Variants in NELL1 observed in about 807,000 individuals in gnomAD.
The protein encoded by NELL1 is neural EGFL like 1.
In NELL1, 76 loss-of-function variants were observed where a neutral mutation model predicts 107.4. The ratio of observed to expected loss-of-function variants is 0.71; its 90% CI spans 0.59 to 0.86. The LOEUF (loss-of-function observed/expected upper bound fraction) is 0.86. Among genes scored for constraint, NELL1 ranks in the 40% least tolerant of loss-of-function variants. NELL1 has a pLI of 0.00. For synonymous variants in NELL1, 353 were observed against 341.2 expected (o/e 1.03, Z -0.38); for missense variants, 1,024 against 1,005.5 (o/e 1.02, Z -0.25).
In NELL1 at chr11:21,086,320, A is replaced by G. The variant is rs117774511; in HGVS notation, c.1301-27269A>G. Among the ~76,000 whole-genome samples, 1,651 of 152,304 alleles carry G rather than the reference A, an allele frequency of 0.011. 60 individuals are homozygous for G. In the South Asian group the frequency reaches 0.12, roughly 11 times the overall value. On this transcript the variant is annotated intron_variant, in intron 12 of 19. Transcript: ENST00000357134. ...CATTGAACCTAGTGACATTAAACAA[A>G]GTTTTTACTTTCTGTTTGGGCACAT...
chr11:21,229,893 C>T (rs927692645), intron 14 of NELL1, among the ~76,000 whole-genome samples: 5 of 152,248 alleles, frequency 3.3e-5, no homozygotes, highest in East Asian at 1.9e-4. Flanking sequence ...CAGAGGCCAG[C>T]GCCCTGGCTT....
intron 15 of NELL1, among the ~76,000 whole-genome samples, chr11:21,385,231 G>A (rs769264720): frequency 1.3e-5 from 2 of 151,822 alleles, no homozygotes; most frequent in Non-Finnish European, 2.9e-5. Flanking sequence ...AAGGGCAGGG[G>A]TTCTGTCTTT....
intron 16 of NELL1, 58 bp downstream of exon 16, chr11:21,534,572 T>C (rs2133971208): frequency 3.2e-6 from 5 of 1,580,484 alleles, no homozygotes; most frequent in Non-Finnish European, 4.3e-6. Context: ...AGGTGTGGCT[T>C]GCTTTGGTAC....
intron 12 of NELL1, among the ~76,000 whole-genome samples, chr11:20,973,150 C>T (rs957959254): frequency 7.4e-6 from 1 of 135,140 alleles, no homozygotes; most frequent in Non-Finnish European, 1.5e-5. Context: ...TTCTTGTTGC[C>T]CAGGCTGGAG....
At chr11:21,220,202 A>C (rs34623831) in intron 13 of NELL1, among the ~76,000 whole-genome samples, 3,571 of 152,228 alleles carry the variant, frequency 0.023, 57 homozygotes, top group Non-Finnish European at 0.035. Flanking sequence ...GTTCTCTATT[A>C]TGTTCAATCG....
intron 12 of NELL1, among the ~76,000 whole-genome samples, chr11:21,052,733 C>T (rs1853525729): frequency 6.6e-6 from 1 of 152,100 alleles, no homozygotes; most frequent in African/African-American, 2.4e-5. Flanking sequence ...GAAGCCCCCA[C>T]ATCAAACCTT....
At chr11:21,324,819 A>T (rs4399327) in intron 14 of NELL1, among the ~76,000 whole-genome samples, 1 of 151,764 alleles carries the variant, frequency 6.6e-6, no homozygotes, top group Non-Finnish European at 1.5e-5. Flanking sequence ...AAGAGGAAAG[A>T]GAACTGATGT....
chr11:20,740,282 T>G (rs1032037904), intron 2 of NELL1, among the ~76,000 whole-genome samples: 2 of 152,180 alleles, frequency 1.3e-5, no homozygotes, highest in Admixed American at 6.5e-5. Flanking sequence ...TGCACTTTAC[T>G]GTCACTCCTC....
In NELL1 at chr11:21,349,521, A is replaced by G. The variant is rs969664072; in HGVS notation, c.1550-21332A>G. Among the ~76,000 whole-genome samples, 7 of 152,284 alleles carry G rather than the reference A, an allele frequency of 4.6e-5. No individual in the cohort carries two copies. The East Asian group carries it at 1.2e-3, about 25-fold the overall frequency. ...TATTGGTTTTAATTTTAAATCTACA[A>G]TGCTTTCTGTCACTCTGAAATGCCT... On this transcript the variant is annotated intron_variant, in intron 14 of 19. Transcript: ENST00000357134.
intron 14 of NELL1, among the ~76,000 whole-genome samples, chr11:21,295,344 A>G (rs1270317313): frequency 6.6e-6 from 1 of 152,094 alleles, no homozygotes; most frequent in South Asian, 2.1e-4. Context: ...TATCCAGACA[A>G]ACGAGATCAT....
intron 15 of NELL1, among the ~76,000 whole-genome samples, chr11:21,429,788 C>G (rs1275736020): frequency 1.3e-5 from 2 of 152,128 alleles, no homozygotes; most frequent in African/African-American, 4.8e-5. Flanking sequence ...CAACCTTAGT[C>G]TCTTTGAGAT....
chr11:21,276,070 G>T (rs1211458487), intron 14 of NELL1, among the ~76,000 whole-genome samples: 1 of 152,108 alleles, frequency 6.6e-6, no homozygotes, highest in Non-Finnish European at 1.5e-5. Flanking sequence ...GCAGGAGAAG[G>T]AAATAAAGGG....
intron 2 of NELL1, among the ~76,000 whole-genome samples, chr11:20,714,887 A>G (rs956933867): frequency 6.6e-6 from 1 of 152,158 alleles, no homozygotes; most frequent in Non-Finnish European, 1.5e-5. Context: ...ATATAAGTTA[A>G]GAAAATTCGT....
At chr11:21,098,214 T>G (rs1854699712) in intron 12 of NELL1, among the ~76,000 whole-genome samples, 1 of 152,200 alleles carries the variant, frequency 6.6e-6, no homozygotes, top group Non-Finnish European at 1.5e-5. Context: ...TTTTTCCAGG[T>G]ATTCTTTTCT....
intron 15 of NELL1, among the ~76,000 whole-genome samples, chr11:21,528,330 AG>A (rs1030512312): frequency 2.6e-5 from 4 of 152,102 alleles, no homozygotes; most frequent in Middle Eastern, 3.4e-3. Context: ...GAGTGTTAGG[AG>A]GGGGGCCGAG....
chr11:21,200,037 G>A (rs528920876), intron 13 of NELL1, among the ~76,000 whole-genome samples: 190 of 152,214 alleles, frequency 1.2e-3, no homozygotes, highest in Middle Eastern at 6.8e-3. Context: ...TCTTTATCCA[G>A]TCTATCATTG....
chr11:20,749,410 G>A (rs1856083557), intron 2 of NELL1, among the ~76,000 whole-genome samples: 1 of 151,972 alleles, frequency 6.6e-6, no homozygotes, highest in Admixed American at 6.6e-5. Flanking sequence ...ACAAGCCTGG[G>A]TAACACAATG....
At chr11:20,975,613 CAT>C (rs1348785181) in intron 12 of NELL1, among the ~76,000 whole-genome samples, 3 of 136,608 alleles carry the variant, frequency 2.2e-5, no homozygotes, top group Admixed American at 7.6e-5. Flanking sequence ...TATATATACA[CAT>C]ATGTAGATAT....
intron 11 of NELL1, among the ~76,000 whole-genome samples, chr11:20,950,373 C>G (rs1474512785): frequency 6.6e-6 from 1 of 152,208 alleles, no homozygotes; most frequent in East Asian, 1.9e-4. Context: ...GTTCAAAAGT[C>G]TGTCATCTTG....
Sources: allele counts gnomAD v4.1 joint callset (sites outside exome capture counted in the v4.1 genomes callset), GRCh38; gene constraint gnomAD v4.1.1; transcripts MANE v1.5; gene names NCBI Gene and HGNC (gene_info 2026-07-23, HGNC 2026-07-21).